KLK6: variants seen among roughly 807,000 people sequenced by gnomAD.
KLK6 encodes kallikrein-6.
A neutral mutation model predicts 21.7 loss-of-function variants in KLK6; 16 were observed. That is an observed-to-expected ratio of 0.74 (90% CI 0.50 to 1.12). The LOEUF (loss-of-function observed/expected upper bound fraction) is 1.12. Ranked by LOEUF, KLK6 falls within the 50% of genes most tolerant of loss-of-function variation. The probability of loss-of-function intolerance (pLI) is 0.00; values close to 1 mark genes in which losing one functional copy is unlikely to be tolerated. For missense variants in KLK6, 276 were observed against 304.6 expected (o/e 0.91, Z 0.70); for synonymous variants, 116 against 120.1 (o/e 0.97, Z 0.22).
Position 50,961,882 on chromosome 19 carries a change from T to C in KLK6, c.446-2A>G. On this transcript the variant is annotated splice_acceptor_variant, in intron 5 of 6. Coordinates refer to ENST00000310157, the MANE Select transcript of KLK6 (RefSeq NM_002774.4). LOFTEE classifies it high-confidence loss of function. Reference sequence around the variant, plus strand: ...ACTGGATGGTGTCAGGGAAATCACCTGTTAGGGGAGAGATGGGCCAGACTC... The same window carrying C: ...ACTGGATGGTGTCAGGGAAATCACCCGTTAGGGGAGAGATGGGCCAGACTC... 16 of 1,613,016 alleles carry C rather than the reference T, an allele frequency of 9.9e-6. No homozygotes were observed. Among genetic ancestry groups the C allele is most frequent in the Non-Finnish European group, 1.4e-5 (16 of 1,179,410 alleles).
chr19:50,963,429 G>A lies in KLK6; in HGVS notation c.318C>T (p.Asp106=), dbSNP rs149095066. 8.7e-6 allele frequency: 14 copies of A among 1,614,098 alleles called. No individual in the cohort carries two copies. In the African/African-American group the frequency reaches 1.7e-4, roughly 20 times the overall value. The change falls in exon 5 of 7, where the codon GAC becomes GAT. Residue 106 remains aspartate (D), a synonymous_variant. Transcript: ENST00000310157. ...PDYDAASHDQ[D]IMLLRLARPA... ...GGCGTGCCAGGCGCAACAGCATGAT[G>A]TCCTGGTCATGGCTGGCGGCATCAT...
Position 50,959,172 on chromosome 19 carries a change from C to A in KLK6, c.727G>T (p.Ala243Ser). ...YTNWIQKTIQAK is the reference protein window; with the variant it reads ...YTNWIQKTIQSK ...GATGTCACATGTCAGGGTCACTTGG[C>A]CTGAATGGTTTTTTGGATCCAGTTC... Residue 243 changes from alanine to serine, a missense_variant, in exon 7 of 7, where the codon GCC (alanine) becomes TCC (serine). Physicochemically the swap from Ala to Ser is moderately conservative, Grantham distance 99. Coordinates refer to ENST00000310157, the MANE Select transcript of KLK6 (RefSeq NM_002774.4). 1 of 1,614,048 alleles carries A rather than the reference C, an allele frequency of 6.2e-7. No individual in the cohort carries two copies. Among genetic ancestry groups the A allele is most frequent in the Non-Finnish European group, 8.5e-7 (1 of 1,179,972 alleles).
intron 6 of KLK6, among the ~76,000 whole-genome samples, chr19:50,960,987 A>G (rs2090832732): frequency 6.6e-6 from 1 of 152,116 alleles, no homozygotes; most frequent in Non-Finnish European, 1.5e-5. Context: ...GCTGGTCTCA[A>G]TCTCTTGACC....
At chr19:50,960,092 A>G (rs1446294281) in intron 6 of KLK6, among the ~76,000 whole-genome samples, 1 of 30,760 alleles carries the variant, frequency 3.3e-5, no homozygotes, top group Non-Finnish European at 5.5e-5. Context: ...GAGGGGGAGG[A>G]GGATGGGGAG....
In KLK6 at chr19:50,959,256, T is replaced by C. The variant is rs1467450202; in HGVS notation, c.643A>G (p.Asn215Asp). The C allele has an allele frequency of 1.2e-6, 2 of 1,613,898 alleles. No individual in the cohort carries two copies. The highest frequency in any genetic ancestry group is 1.7e-5 in the Admixed American group (1 of 59,980). ...TTCTCCTTTGATCCACAGGGGATGTTACCCCATGACACAAGGCCTCGGAGG... is the reference window on the plus strand; with the variant it reads ...TTCTCCTTTGATCCACAGGGGATGTCACCCCATGACACAAGGCCTCGGAGG... ...DHLRGLVSWGNIPCGSKEKPG... is the reference protein window; with the variant it reads ...DHLRGLVSWGDIPCGSKEKPG... Residue 215 changes from asparagine to aspartate, a missense_variant, in exon 7 of 7, where the codon AAC becomes GAC. Asn to Asp is a conservative substitution (Grantham distance 23). Transcript: ENST00000310157.
chr19:50,961,050 C>T (rs960904946), intron 6 of KLK6, among the ~76,000 whole-genome samples: 1 of 151,780 alleles, frequency 6.6e-6, no homozygotes, highest in Non-Finnish European at 1.5e-5. Context: ...AGGCATGAGC[C>T]ACTGTGCCCA....
At chr19:50,959,455 G>A in intron 6 of KLK6, 139 bp from the exon 7 acceptor site, 1 of 734,766 alleles carries the variant, frequency 1.4e-6, no homozygotes. Flanking sequence ...CTGAAAGATG[G>A]AGAGAAAGAC....
At position 50,958,665 on chromosome 19, in the gene KLK6, T is replaced by C. The variant is rs1354018771; in HGVS notation, c.*499A>G. On this transcript the variant is annotated 3_prime_UTR_variant, in exon 7 of 7. Coordinates refer to ENST00000310157, the MANE Select transcript of KLK6 (RefSeq NM_002774.4). ...AATTCATTCTTTATTGAGTGCATGG[T>C]GGCCCAGGTGCTATTCCATGTATGT... 6.5e-6 allele frequency: 1 copy of C among 154,340 alleles called. No individual in the cohort carries two copies. The highest frequency in any genetic ancestry group is 1.4e-5 in the Non-Finnish European group (1 of 69,560). 9.6% of individuals were successfully genotyped at this position (154,340 alleles called of 1,614,324 possible).
rs756065576 is a variant in KLK6, at chr19:50,963,291, C to T, written c.445+11G>A. 6.2e-7 allele frequency: 1 copy of T among 1,609,208 alleles called. No individual in the cohort carries two copies. Among genetic ancestry groups the T allele is most frequent in the Non-Finnish European group, 8.5e-7 (1 of 1,176,216 alleles). On this transcript the variant is annotated intron_variant, in intron 5 of 6. Transcript: ENST00000310157. ...CAGTAGCCTGCTCCCCACCAGCCTC[C>T]CACTACTGACCATCTGCTGTCTTGC...
intron 2 of KLK6, 141 bp downstream of exon 2, chr19:50,968,400 C>T (rs751680297): frequency 9.7e-5 from 49 of 503,370 alleles, no homozygotes; most frequent in South Asian, 4.7e-4. Context: ...ACTGATTTGC[C>T]TTCCTGTCGA....
rs550206137 is a variant in KLK6 at position 50,959,060 on chromosome 19, G to A, written c.*104C>T. ...GTCGCTGCGTTTATTAAGCATCAGG[G>A]TCAGAGCTGGGCAGGAGAGGAGGGG... On this transcript the variant is annotated 3_prime_UTR_variant, in exon 7 of 7. Coordinates refer to ENST00000310157, the MANE Select transcript of KLK6 (RefSeq NM_002774.4). The A allele has an allele frequency of 3.2e-6, 4 of 1,260,258 alleles. No individual in the cohort carries two copies. The African/African-American group carries it at 5.9e-5, about 19-fold the overall frequency. The allele number at this position is 1,260,258 out of a possible 1,614,324, so 78.1% of individuals were successfully genotyped here.
chr19:50,963,752 G>A, intron 4 of KLK6: 1 of 605,132 alleles, frequency 1.7e-6, no homozygotes, highest in Admixed American at 3.0e-5. Context: ...AAGCTGTCCA[G>A]AATTCCTTTT....
rs1162439168 is a variant in KLK6 at position 50,967,712 on chromosome 19, A to G, written c.40+353T>C. Among the ~76,000 whole-genome samples, 3 of 151,796 alleles carry G rather than the reference A, an allele frequency of 2.0e-5. No homozygotes were observed. In the East Asian group the frequency reaches 5.8e-4, roughly 29 times the overall value. The stretch of plus-strand genomic sequence containing the variant: ...AGAGTGAGACCCTGTCTCAAAAAAA[A>G]AAAGCTTCTCTGTATTTCCACTCCC... On this transcript the variant is annotated intron_variant, in intron 3 of 6. Coordinates refer to ENST00000310157, the MANE Select transcript of KLK6 (RefSeq NM_002774.4).
rs1279809198 is a variant in KLK6 at position 50,959,314 on chromosome 19, A to T, written c.585T>A (p.Gly195=). Residue 195 remains glycine, a splice_region_variant and synonymous_variant, in exon 7 of 7, where the codon GGT becomes GGA. Coordinates refer to ENST00000310157, the MANE Select transcript of KLK6 (RefSeq NM_002774.4). The part of the protein sequence containing the change: ...DEKYGKDSCQ[G]DSGGPLVCGD... ...CACATACCAGCGGACCCCCAGAATC[A>T]CCCTGCAGGAAAGAGGGAGAAAGTC... 6 of 1,612,462 alleles carry T rather than the reference A, an allele frequency of 3.7e-6. No individual in the cohort carries two copies. The highest frequency in any genetic ancestry group is 1.3e-5 in the African/African-American group (1 of 74,514).
At chr19:50,961,682 C>A in intron 6 of KLK6, 62 bp downstream of exon 6, 1 of 1,579,400 alleles carries the variant, frequency 6.3e-7, no homozygotes, top group South Asian at 1.2e-5. Flanking sequence ...CTGTGTCTGG[C>A]CATGTTTTTG....
At chr19:50,964,407 T>C (rs1394109467) in intron 4 of KLK6, among the ~76,000 whole-genome samples, 2 of 152,222 alleles carry the variant, frequency 1.3e-5, no homozygotes, top group Non-Finnish European at 2.9e-5. Flanking sequence ...TTACTCATTG[T>C]GTTATTTCTC....
chr19:50,965,954 G>A (rs1236809627), intron 4 of KLK6, among the ~76,000 whole-genome samples: 3 of 152,160 alleles, frequency 2.0e-5, no homozygotes, highest in Admixed American at 6.5e-5. Flanking sequence ...GAGGATCAGC[G>A]CCCAGGGTTT....
chr19:50,959,181 T>C lies in KLK6; in HGVS notation c.718A>G (p.Thr240Ala). The change falls in exon 7 of 7, where the codon ACC becomes GCC. Residue 240 changes from threonine (T) to alanine (A), a missense_variant. Thr to Ala is a moderately conservative substitution (Grantham distance 58). Coordinates refer to ENST00000310157, the MANE Select transcript of KLK6 (RefSeq NM_002774.4). Reference protein sequence around the residue: ...VCRYTNWIQKTIQAK With the variant: ...VCRYTNWIQKAIQAK ...TGTCAGGGTCACTTGGCCTGAATGG[T>C]TTTTTGGATCCAGTTCGTGTATCTG... is the stretch of plus-strand genomic sequence containing the variant. 1 of 1,613,768 alleles carries C rather than the reference T, an allele frequency of 6.2e-7. No homozygotes were observed. Among genetic ancestry groups the C allele is most frequent in the Non-Finnish European group, 8.5e-7 (1 of 1,179,878 alleles).
Position 50,963,537 on chromosome 19 carries a change from G to T in KLK6, c.210C>A (p.Val70=), listed in dbSNP as rs2090879693. The part of the protein sequence containing the change: ...AAHCKKPNLQ[V]FLGKHNLRQR... ...GCCGAAGGTTATGCTTCCCCAGGAAGACCTGAAGATTCCTGGGAAGGAAGA... is the reference window on the plus strand; with the variant it reads ...GCCGAAGGTTATGCTTCCCCAGGAATACCTGAAGATTCCTGGGAAGGAAGA... Residue 70 remains valine, a synonymous_variant, in exon 5 of 7, where the codon GTC becomes GTA. Coordinates refer to ENST00000310157, the MANE Select transcript of KLK6 (RefSeq NM_002774.4). The T allele has an allele frequency of 6.2e-7, 1 of 1,613,960 alleles. No individual in the cohort carries two copies. Among genetic ancestry groups the T allele is most frequent in the African/African-American group, 1.3e-5 (1 of 74,912 alleles).
Sources: allele counts gnomAD v4.1 joint callset (sites outside exome capture counted in the v4.1 genomes callset), GRCh38; gene constraint gnomAD v4.1.1; transcripts MANE v1.5; gene names NCBI Gene and HGNC (gene_info 2026-07-23, HGNC 2026-07-21).